Variants in THOC2 observed in about 807,000 individuals in gnomAD.
THOC2 encodes THO complex 2.
In THOC2, 10 loss-of-function variants were observed where a neutral mutation model predicts 128.4. The ratio of observed to expected loss-of-function variants is 0.08; its 90% CI spans 0.05 to 0.13. The LOEUF (loss-of-function observed/expected upper bound fraction) is 0.13. THOC2 is among the 10% of genes least tolerant of loss of function. The pLI is 1.00. For missense variants in THOC2, 535 were observed against 1,155.7 expected (o/e 0.46, Z 7.79); for synonymous variants, 393 against 396.9 (o/e 0.99, Z 0.12).
chrX:123,707,053 A>G (rs2050963495), intron 2 of THOC2, 104 bp from the exon 3 acceptor site: 2 of 342,054 alleles, frequency 5.8e-6, no homozygotes, highest in South Asian at 3.2e-4. Context: ...ATCAATAATG[A>G]AAAATATAAT....
intron 1 of THOC2, among the ~76,000 whole-genome samples, chrX:123,732,193 G>A (rs1469238368): frequency 2.7e-5 from 3 of 111,846 alleles, no homozygotes; most frequent in Non-Finnish European, 5.6e-5. Context: ...TTGGAGAGCT[G>A]CCAGAATTAG....
At chrX:123,707,994 T>A (rs760742210) in intron 2 of THOC2, among the ~76,000 whole-genome samples, 1 of 106,490 alleles carries the variant, frequency 9.4e-6, no homozygotes, top group South Asian at 4.1e-4. Flanking sequence ...TAGCCAGATG[T>A]GGTGGCACAC....
Position 123,621,167 on chromosome X carries a change from C to G in THOC2, c.4206G>C (p.Glu1402Asp). ...GAAAGGTAAACTTGCCCCTTTCAGG[C>G]TCTGGAATATCTGATCTGGGAACAG... ...KSPVPRSDIP[E>D]PEREQKRRKI... Residue 1402 changes from glutamate to aspartate, a missense_variant, in exon 31 of 39, where the codon GAG (glutamate) becomes GAC (aspartate). Physicochemically the swap from Glu to Asp is conservative, Grantham distance 45. Around this residue, in one of 9 missense-constraint regions of THOC2, gnomAD observed 116 missense variants for 180.0 expected, o/e 0.64. Coordinates refer to ENST00000245838, the MANE Select transcript of THOC2 (RefSeq NM_001081550.2). 4 of 1,200,459 alleles carry G rather than the reference C, an allele frequency of 3.3e-6. No homozygotes were observed. The highest frequency in any genetic ancestry group is 4.5e-6 in the Non-Finnish European group (4 of 891,768).
At chrX:123,671,875 T>C in intron 8 of THOC2, 114 bp from the exon 9 acceptor site, 1 of 368,247 alleles carries the variant, frequency 2.7e-6, no homozygotes, top group Non-Finnish European at 4.8e-6. Flanking sequence ...GCCAAGAAAA[T>C]GCTTCACTGC....
rs1294097832 is a variant in THOC2, at chrX:123,634,089, G to C, written c.2019-19C>G. The C allele has an allele frequency of 3.1e-6, 3 of 958,016 alleles. No homozygotes were observed. Among genetic ancestry groups the C allele is most frequent in the African/African-American group, 3.8e-5 (2 of 52,072 alleles). The allele number at this position is 958,016 out of a possible 1,213,427, so 79.0% of individuals were successfully genotyped here. ...GTCAAAACTATTCAAAAAGAAAAAA[G>C]AAACAGTCTATAGTTAGAACTTCAA... On this transcript the variant is annotated intron_variant, in intron 19 of 38. Coordinates refer to ENST00000245838, the MANE Select transcript of THOC2 (RefSeq NM_001081550.2).
intron 1 of THOC2, among the ~76,000 whole-genome samples, chrX:123,730,771 C>G (rs1355647635): frequency 9.0e-6 from 1 of 111,005 alleles, no homozygotes; most frequent in African/African-American, 3.3e-5. Context: ...GGTGAAACTC[C>G]GTGTCTAGTA....
chrX:123,637,579 G>A (rs948756979), intron 18 of THOC2, among the ~76,000 whole-genome samples: 9 of 111,104 alleles, frequency 8.1e-5, no homozygotes, highest in African/African-American at 2.3e-4. Context: ...GGCCAACATG[G>A]TGAAACCCTG....
intron 4 of THOC2, among the ~76,000 whole-genome samples, chrX:123,698,353 G>C (rs1407423633): frequency 9.2e-6 from 1 of 109,108 alleles, no homozygotes; most frequent in Non-Finnish European, 1.9e-5. Flanking sequence ...AGCTACTCAG[G>C]AGACTGAGGC....
intron 33 of THOC2, among the ~76,000 whole-genome samples, chrX:123,618,507 A>T (rs182884537): frequency 8.9e-6 from 1 of 111,798 alleles, no homozygotes. Flanking sequence ...CTGTTTCAAA[A>T]TTTCATTTGG....
At chrX:123,695,239 A>G (rs1203867253) in intron 7 of THOC2, among the ~76,000 whole-genome samples, 2 of 111,727 alleles carry the variant, frequency 1.8e-5, no homozygotes, top group Admixed American at 9.5e-5. Context: ...CAGGTACTGC[A>G]AAATCTTCCC....
intron 7 of THOC2, among the ~76,000 whole-genome samples, chrX:123,688,318 A>C (rs2050088645): frequency 8.9e-6 from 1 of 112,498 alleles, no homozygotes; most frequent in African/African-American, 3.2e-5. Context: ...TACAGGTAAC[A>C]GTATGAAAGA....
chrX:123,630,749 C>A (rs1368621486), intron 22 of THOC2, among the ~76,000 whole-genome samples: 1 of 110,449 alleles, frequency 9.1e-6, no homozygotes, highest in Non-Finnish European at 1.9e-5. Flanking sequence ...GAAGGCTCTT[C>A]AACAGAGGCT....
At chrX:123,654,947 G>A (rs957126110) in intron 12 of THOC2, among the ~76,000 whole-genome samples, 2 of 109,306 alleles carry the variant, frequency 1.8e-5, no homozygotes, top group African/African-American at 6.6e-5. Flanking sequence ...TAGGAGGAGG[G>A]TTTTTGGGGA....
At chrX:123,630,973 G>C (rs1300805079) in intron 22 of THOC2, among the ~76,000 whole-genome samples, 1 of 112,382 alleles carries the variant, frequency 8.9e-6, no homozygotes, top group Non-Finnish European at 1.9e-5. Context: ...TTAGGTTTTT[G>C]TATCTCTTAA....
At chrX:123,653,353 C>T (rs1390566817) in intron 12 of THOC2, among the ~76,000 whole-genome samples, 1 of 111,923 alleles carries the variant, frequency 8.9e-6, no homozygotes, top group African/African-American at 3.2e-5. Flanking sequence ...CCATTTAGGA[C>T]AAAGGCATGG....
chrX:123,693,423 A>G (rs1458520267), intron 7 of THOC2, among the ~76,000 whole-genome samples: 3 of 112,060 alleles, frequency 2.7e-5, no homozygotes, highest in Non-Finnish European at 5.6e-5. Context: ...CCAAGATTGT[A>G]CCACTGCACT....
At chrX:123,644,996 C>G in intron 13 of THOC2, 87 bp from the exon 14 acceptor site, 1 of 808,047 alleles carries the variant, frequency 1.2e-6, no homozygotes, top group Non-Finnish European at 1.8e-6. Context: ...GGGAAAATTA[C>G]CATTTCTTAA....
chrX:123,694,402 G>A (rs1426280175), intron 7 of THOC2, among the ~76,000 whole-genome samples: 1 of 109,885 alleles, frequency 9.1e-6, no homozygotes, highest in African/African-American at 3.3e-5. Context: ...ATCACCTGAG[G>A]TCATGAGTTT....
intron 38 of THOC2, chrX:123,601,859 G>T (rs2046296469): frequency 2.7e-5 from 3 of 111,789 alleles, no homozygotes; most frequent in South Asian, 3.7e-4. Flanking sequence ...AACAAAAAAA[G>T]GAAAATGACA....
Sources: allele counts gnomAD v4.1 joint callset (sites outside exome capture counted in the v4.1 genomes callset), GRCh38; gene constraint gnomAD v4.1.1; regional missense constraint gnomAD v4.1.1; transcripts MANE v1.5; gene names NCBI Gene and HGNC (gene_info 2026-07-23, HGNC 2026-07-21).